Variants in CABCOCO1 observed in about 807,000 individuals in gnomAD.
CABCOCO1 encodes the protein ciliary associated calcium binding coiled-coil 1, also known as ciliary-associated calcium-binding coiled-coil protein 1.
Under a neutral mutation model 35.7 loss-of-function variants are expected in CABCOCO1, and 28 were observed. The ratio of observed to expected loss-of-function variants is 0.78; its 90% CI spans 0.58 to 1.07. CABCOCO1 has a LOEUF of 1.07. Among genes scored for constraint, CABCOCO1 ranks in the 50% least tolerant of loss-of-function variants. The pLI, the probability that CABCOCO1 is intolerant of heterozygous loss-of-function variation, is 0.00. For missense variants in CABCOCO1, 326 were observed against 309.2 expected, an observed-to-expected ratio of 1.05 and a Z score of -0.41; for synonymous variants, 95 against 100.1, an observed-to-expected ratio of 0.95 and a Z score of 0.30.
chr10:61,672,485 A>G (rs770447838), intron 1 of CABCOCO1, among the ~76,000 whole-genome samples, 147 bp from the exon 2 acceptor site: 8 of 152,252 alleles, frequency 5.3e-5, no homozygotes, highest in Non-Finnish European at 1.0e-4. Context: ...TAATATGGAA[A>G]AGAAAAGATA....
intron 5 of CABCOCO1, among the ~76,000 whole-genome samples, chr10:61,747,892 G>T (rs1414697312): frequency 6.6e-6 from 1 of 152,122 alleles, no homozygotes; most frequent in Non-Finnish European, 1.5e-5. Context: ...CTGTCTTCAT[G>T]CAAGTGTGAA....
At chr10:61,747,635 A>G (rs1377890050) in intron 5 of CABCOCO1, among the ~76,000 whole-genome samples, 1 of 152,208 alleles carries the variant, frequency 6.6e-6, no homozygotes, top group African/African-American at 2.4e-5. Flanking sequence ...AGAATTTCCC[A>G]ACAGTAGCTC....
At chr10:61,735,726 T>C (rs1052844053) in intron 5 of CABCOCO1, among the ~76,000 whole-genome samples, 2 of 152,136 alleles carry the variant, frequency 1.3e-5, no homozygotes, top group Non-Finnish European at 2.9e-5. Flanking sequence ...GAGAAGAATA[T>C]GTAACCAAGT....
intron 5 of CABCOCO1, among the ~76,000 whole-genome samples, chr10:61,711,995 C>A (rs907054036): frequency 3.9e-5 from 6 of 152,050 alleles, no homozygotes; most frequent in African/African-American, 1.4e-4. Context: ...TGGTTATATA[C>A]CTAGTAATGG....
chr10:61,750,870 T>C (rs1841766166), intron 5 of CABCOCO1, among the ~76,000 whole-genome samples: 1 of 152,202 alleles, frequency 6.6e-6, no homozygotes, highest in Non-Finnish European at 1.5e-5. Flanking sequence ...CCCCCGTGTA[T>C]AAAGGCCTGA....
At chr10:61,735,316 C>T (rs1422727386) in intron 5 of CABCOCO1, among the ~76,000 whole-genome samples, 1 of 152,118 alleles carries the variant, frequency 6.6e-6, no homozygotes, top group Admixed American at 6.6e-5. Flanking sequence ...CTAGACTCCA[C>T]ACAAGTCTGA....
At chr10:61,742,447 G>A (rs1021147832) in intron 5 of CABCOCO1, among the ~76,000 whole-genome samples, 3 of 151,906 alleles carry the variant, frequency 2.0e-5, no homozygotes, top group African/African-American at 7.3e-5. Context: ...CAAATCCTTT[G>A]ACTCAAACTC....
intron 5 of CABCOCO1, among the ~76,000 whole-genome samples, chr10:61,697,957 A>T (rs1327193825): frequency 6.6e-6 from 1 of 152,118 alleles, no homozygotes; most frequent in Admixed American, 6.6e-5. Context: ...GTAAAAATCT[A>T]GTGTGGTGCT....
chr10:61,746,895 G>A (rs1441378451), intron 5 of CABCOCO1, among the ~76,000 whole-genome samples: 1 of 152,100 alleles, frequency 6.6e-6, no homozygotes, highest in Non-Finnish European at 1.5e-5. Flanking sequence ...CACAGCAGTT[G>A]TTAGTGTAGC....
Position 61,708,403 on chromosome 10 carries a change from C to G in CABCOCO1, c.552+17782C>G, listed in dbSNP as rs146785931. Among the ~76,000 whole-genome samples, 420 of 152,158 alleles carry G rather than the reference C, an allele frequency of 2.8e-3. 4 individuals carry two copies. Among genetic ancestry groups the G allele is most frequent in the African/African-American group, 9.5e-3 (394 of 41,512 alleles). The stretch of plus-strand genomic sequence containing the variant: ...CTCCTCATTAAAATTGAGATGACAT[C>G]TCTCTCTTTTCCATTCGGGCTGCTA... On this transcript the variant is annotated intron_variant, in intron 5 of 7. Coordinates refer to ENST00000648843, the MANE Select transcript of CABCOCO1 (RefSeq NM_001366906.2).
intron 5 of CABCOCO1, among the ~76,000 whole-genome samples, chr10:61,719,977 G>C (rs1404848145): frequency 1.3e-5 from 2 of 151,226 alleles, no homozygotes; most frequent in East Asian, 3.9e-4. Context: ...AAACTGTGAG[G>C]GAATGGACAT....
chr10:61,740,353 G>A (rs764439520), intron 5 of CABCOCO1, among the ~76,000 whole-genome samples: 3 of 152,134 alleles, frequency 2.0e-5, no homozygotes, highest in Non-Finnish European at 4.4e-5. Context: ...GTCCTTTGTG[G>A]GCAGGCTCTG....
chr10:61,716,525 A>G (rs1049489631), intron 5 of CABCOCO1, among the ~76,000 whole-genome samples: 3 of 152,104 alleles, frequency 2.0e-5, no homozygotes, highest in African/African-American at 7.2e-5. Context: ...CAGCTCTATC[A>G]CCAAAGTTCA....
At chr10:61,744,476 A>G (rs145628658) in intron 5 of CABCOCO1, among the ~76,000 whole-genome samples, 2 of 152,322 alleles carry the variant, frequency 1.3e-5, no homozygotes, top group East Asian at 3.9e-4. Context: ...TTGTTTAAGC[A>G]AATGAACAAA....
At position 61,686,110 on chromosome 10, in the gene CABCOCO1, A is replaced by T. The variant is rs141218791; in HGVS notation, c.404A>T (p.His135Leu). 1.4e-4 allele frequency: 227 copies of T among 1,608,678 alleles called. 1 individual carries two copies. The African/African-American group carries it at 2.8e-3, about 20-fold the overall frequency. ...GEVMAEIGPT[H>L]SQKSEDWNIF... is the part of the protein sequence containing the mutation. The stretch of plus-strand genomic sequence containing the variant: ...GTTATGGCTGAAATAGGACCAACAC[A>T]TTCGCAAAAGAGTGAGGACTGGAAT... Residue 135 changes from histidine to leucine, a missense_variant, in exon 4 of 8, where the codon CAT becomes CTT. Physicochemically the swap from His to Leu is moderately conservative, Grantham distance 99. Coordinates refer to ENST00000648843, the MANE Select transcript of CABCOCO1 (RefSeq NM_001366906.2).
chr10:61,670,873 G>A (rs754812280), intron 1 of CABCOCO1, among the ~76,000 whole-genome samples: 2 of 152,158 alleles, frequency 1.3e-5, no homozygotes, highest in Admixed American at 6.5e-5. Context: ...CTAAACCAAC[G>A]TCTGTAAACT....
At chr10:61,681,024 G>T in intron 2 of CABCOCO1, 119 bp from the exon 3 acceptor site, 1 of 501,202 alleles carries the variant, frequency 2.0e-6, no homozygotes, top group South Asian at 3.9e-5. Context: ...GAAGCTTGAT[G>T]TAACTGAATA....
At chr10:61,691,393 T>A (rs1840135687) in intron 5 of CABCOCO1, among the ~76,000 whole-genome samples, 1 of 152,222 alleles carries the variant, frequency 6.6e-6, no homozygotes, top group Non-Finnish European at 1.5e-5. Flanking sequence ...ATGAAAGGTC[T>A]ATCTGGAGAC....
At chr10:61,707,864 G>A (rs1199826080) in intron 5 of CABCOCO1, among the ~76,000 whole-genome samples, 1 of 152,094 alleles carries the variant, frequency 6.6e-6, no homozygotes, top group Non-Finnish European at 1.5e-5. Flanking sequence ...AAAAACAGAA[G>A]CTGATACATG....
Sources: allele counts gnomAD v4.1 joint callset (sites outside exome capture counted in the v4.1 genomes callset), GRCh38; gene constraint gnomAD v4.1.1; transcripts MANE v1.5; gene names NCBI Gene and HGNC (gene_info 2026-07-23, HGNC 2026-07-21).